Variants in ERC2 observed in about 807,000 individuals in gnomAD.
ERC2 encodes ERC protein 2.
ERC2 carries 42 observed loss-of-function variants against 114.8 expected under a neutral mutation model. That is an observed-to-expected ratio of 0.37 (90% CI 0.29 to 0.47). The LOEUF is 0.47. ERC2 is among the 20% of genes least tolerant of loss of function. The pLI is 0.99. For missense variants in ERC2, 939 were observed against 1,150.7 expected, an observed-to-expected ratio of 0.82 and a Z score of 2.66; for synonymous variants, 454 against 425.5, an observed-to-expected ratio of 1.07 and a Z score of -0.82.
intron 14 of ERC2, among the ~76,000 whole-genome samples, chr3:55,874,571 T>C (rs919288089): frequency 3.3e-5 from 5 of 151,848 alleles, no homozygotes; most frequent in Non-Finnish European, 5.9e-5. Flanking sequence ...GTTAGAATGA[T>C]TTAACAATGA....
intron 15 of ERC2, among the ~76,000 whole-genome samples, chr3:55,723,038 A>T (rs1482265523): frequency 6.6e-6 from 1 of 152,262 alleles, no homozygotes; most frequent in Non-Finnish European, 1.5e-5. Flanking sequence ...TCACAGTGTG[A>T]TTATAAAAGT....
rs149533162 is a variant in ERC2 at position 55,736,252 on chromosome 3, G to A, written c.2565-1334C>T. 1.9e-3 allele frequency among the ~76,000 whole-genome samples: 295 copies of A among 152,182 alleles called. 2 individuals are homozygous for A. The highest frequency in any genetic ancestry group is 3.7e-3 in the Non-Finnish European group (254 of 68,004). On this transcript the variant is annotated intron_variant, in intron 14 of 17. Coordinates refer to ENST00000288221, the MANE Select transcript of ERC2 (RefSeq NM_015576.3). ...TTTATTGATGCTTGCAACACATTAC[G>A]CTAATCAGCCATGACAACCTCTCTG...
chr3:56,375,417 G>C (rs2059502755), intron 2 of ERC2, among the ~76,000 whole-genome samples: 1 of 152,194 alleles, frequency 6.6e-6, no homozygotes, highest in Non-Finnish European at 1.5e-5. Flanking sequence ...CTGGTGGCTA[G>C]AGAAGAGAGA....
intron 14 of ERC2, among the ~76,000 whole-genome samples, chr3:55,751,082 C>T (rs1200303286): frequency 6.6e-6 from 1 of 152,160 alleles, no homozygotes; most frequent in Non-Finnish European, 1.5e-5. Context: ...AAAACATTCA[C>T]GTGATTGCTG....
intron 6 of ERC2, among the ~76,000 whole-genome samples, chr3:56,134,424 T>C (rs1416051432): frequency 6.6e-6 from 1 of 152,142 alleles, no homozygotes; most frequent in East Asian, 1.9e-4. Context: ...AAAAAGTATG[T>C]GTTAAATGAA....
chr3:56,166,398 A>T (rs1040859723), intron 4 of ERC2, among the ~76,000 whole-genome samples: 1 of 151,958 alleles, frequency 6.6e-6, no homozygotes, highest in Non-Finnish European at 1.5e-5. Flanking sequence ...AAGATGGGAA[A>T]TGCTCCCTCT....
At chr3:56,418,752 T>G (rs2061270582) in intron 2 of ERC2, among the ~76,000 whole-genome samples, 1 of 152,164 alleles carries the variant, frequency 6.6e-6, no homozygotes, top group South Asian at 2.1e-4. Context: ...AGTGAAGTGA[T>G]TCACAGACTT....
intron 3 of ERC2, among the ~76,000 whole-genome samples, chr3:56,287,360 G>T (rs961837224): frequency 2.0e-5 from 3 of 152,202 alleles, no homozygotes; most frequent in Non-Finnish European, 4.4e-5. Context: ...AGAGGTCTAA[G>T]TGCCACACAT....
At chr3:56,301,186 A>G (rs761226890) in intron 2 of ERC2, among the ~76,000 whole-genome samples, 10 of 152,144 alleles carry the variant, frequency 6.6e-5, no homozygotes, top group Non-Finnish European at 1.2e-4. Flanking sequence ...AGCAAAATCT[A>G]TTTTTCAGGT....
Position 56,276,474 on chromosome 3 carries a change from A to AAAAAAAAAAAAAAAAAAC in ERC2, c.1074+19544_1074+19545insGTTTTTTTTTTTTTTTTT, listed in dbSNP as rs1446116012. Among the ~76,000 whole-genome samples the AAAAAAAAAAAAAAAAAAC allele has an allele frequency of 1.2e-3, 178 of 147,044 alleles. 2 individuals carry two copies. Among genetic ancestry groups the AAAAAAAAAAAAAAAAAAC allele is most frequent in the Non-Finnish European group, 2.4e-3 (156 of 65,750 alleles). On this transcript the variant is annotated intron_variant, in intron 3 of 17. Transcript: ENST00000288221. ...CAAACTCAGCTAAAAAAAAAAAAAA[A>AAAAAAAAAAAAAAAAAAC]AAACAAACTCAGTCATTCATCTGGC...
At chr3:55,966,734 T>TCAGAG (rs2068774096) in intron 12 of ERC2, among the ~76,000 whole-genome samples, 1 of 152,158 alleles carries the variant, frequency 6.6e-6, no homozygotes, top group Non-Finnish European at 1.5e-5. Context: ...TTCCCTGTTA[T>TCAGAG]CAGAGCTAAC....
chr3:55,756,219 T>G (rs948916923), intron 14 of ERC2, among the ~76,000 whole-genome samples: 1 of 152,214 alleles, frequency 6.6e-6, no homozygotes, highest in African/African-American at 2.4e-5. Context: ...ATGAACATAA[T>G]TTAATTATCC....
rs111843481 is a variant in ERC2, at chr3:56,234,298, C to T, written c.1075-60778G>A. Reference sequence around the variant, plus strand: ...TGATTCACTCAATCCAAAGCAACTGCCTTAATAGCCAAAAAATGGAATGTA... The same window carrying T: ...TGATTCACTCAATCCAAAGCAACTGTCTTAATAGCCAAAAAATGGAATGTA... On this transcript the variant is annotated intron_variant, in intron 3 of 17. Coordinates refer to ENST00000288221, the MANE Select transcript of ERC2 (RefSeq NM_015576.3). Among the ~76,000 whole-genome samples, 624 of 152,240 alleles carry T rather than the reference C, an allele frequency of 4.1e-3. 3 individuals carry two copies. The highest frequency in any genetic ancestry group is 0.015 in the African/African-American group (607 of 41,526).
chr3:55,551,015 CAAAA>C (rs368001324), intron 17 of ERC2, among the ~76,000 whole-genome samples: 1 of 76,696 alleles, frequency 1.3e-5, no homozygotes, highest in Non-Finnish European at 2.6e-5. Context: ...GACTCCGTCT[CAAAA>C]AAAAAAAAAA....
intron 17 of ERC2, among the ~76,000 whole-genome samples, chr3:55,541,432 C>T (rs767114229): frequency 1.7e-4 from 26 of 152,194 alleles, no homozygotes; most frequent in Admixed American, 3.3e-4. Context: ...GTTTAGACCC[C>T]GTAGCCTACA....
At chr3:56,272,303 C>G (rs182713088) in intron 3 of ERC2, among the ~76,000 whole-genome samples, 29 of 152,350 alleles carry the variant, frequency 1.9e-4, no homozygotes, top group African/African-American at 7.0e-4. Context: ...CATTCGCTGT[C>G]AATAATTGCT....
chr3:55,868,225 G>T (rs187118278), intron 14 of ERC2, among the ~76,000 whole-genome samples: 10 of 152,292 alleles, frequency 6.6e-5, no homozygotes, highest in Admixed American at 3.3e-4. Flanking sequence ...CCATGGAACT[G>T]TGCACAAACA....
At position 56,149,079 on chromosome 3, in the gene ERC2, G is replaced by T; in HGVS notation, c.1203C>A (p.Ile401=). 6.2e-7 allele frequency: 1 copy of T among 1,612,982 alleles called. No individual in the cohort carries two copies. The highest frequency in any genetic ancestry group is 8.5e-7 in the Non-Finnish European group (1 of 1,179,394). ...ERNIRDLEDE[I]QMLKANGVLN... Reference sequence around the variant, plus strand: ...GCACACCATTGGCTTTTAACATCTGGATCTCATCCTCAAGATCCCTTATGT... The same window carrying T: ...GCACACCATTGGCTTTTAACATCTGTATCTCATCCTCAAGATCCCTTATGT... The change falls in exon 5 of 18, where the codon ATC becomes ATA. Residue 401 remains isoleucine, a synonymous_variant. Transcript: ENST00000288221.
At chr3:55,793,820 A>C (rs988599916) in intron 14 of ERC2, among the ~76,000 whole-genome samples, 3 of 152,158 alleles carry the variant, frequency 2.0e-5, no homozygotes, top group African/African-American at 7.2e-5. Flanking sequence ...GCAATAGAAA[A>C]ACTTGAATGG....
Sources: gnomAD v4.1 joint callset for allele counts (sites outside exome capture counted in the v4.1 genomes callset) on GRCh38, gnomAD v4.1.1 for gene constraint, MANE v1.5 for transcripts, NCBI Gene and HGNC (gene_info 2026-07-23, HGNC 2026-07-21) for gene names.